The following TRHDE variants were observed in gnomAD, a reference collection of about 807,000 sequenced individuals.
The protein encoded by TRHDE is thyrotropin-releasing hormone-degrading ectoenzyme.
In TRHDE, 72 loss-of-function variants were observed where a neutral mutation model predicts 125.7. The ratio of observed to expected loss-of-function variants is 0.57; its 90% CI spans 0.47 to 0.70. TRHDE has a LOEUF of 0.70. TRHDE is among the 30% of genes least tolerant of loss of function. The pLI, the probability that TRHDE is intolerant of heterozygous loss-of-function variation, is 0.00. For missense variants in TRHDE, 1,110 were observed against 1,327.1 expected (o/e 0.84, Z 2.54); for synonymous variants, 509 against 509.1 (o/e 1.00, Z 0.00).
Position 72,668,611 on chromosome 12 carries a change from AT to A in TRHDE, c.*5417del, listed in dbSNP as rs1422387621. The A allele has an allele frequency of 1.3e-5, 2 of 151,884 alleles. No individual in the cohort carries two copies. The highest frequency in any genetic ancestry group is 2.9e-5 in the Non-Finnish European group (2 of 67,874). 9.4% of individuals were successfully genotyped at this position (151,884 alleles called of 1,614,324 possible). Reference sequence around the variant, plus strand: ...CTGTATTAATGTTAAGTGAGTTAAGATAAAGGGAAGCTACAAAAATTTGAAT... The same window carrying A: ...CTGTATTAATGTTAAGTGAGTTAAGAAAAGGGAAGCTACAAAAATTTGAAT... On this transcript the variant is annotated 3_prime_UTR_variant, in exon 19 of 19. Transcript: ENST00000261180.
chr12:72,552,241 CA>C (rs1174699131), intron 7 of TRHDE, among the ~76,000 whole-genome samples: 1 of 151,192 alleles, frequency 6.6e-6, no homozygotes, highest in Non-Finnish European at 1.5e-5. Flanking sequence ...AGGGATTGGG[CA>C]AAAAAAGTGA....
chr12:72,446,238 G>T (rs1217059912), intron 3 of TRHDE, among the ~76,000 whole-genome samples: 1 of 150,376 alleles, frequency 6.6e-6, no homozygotes, highest in Admixed American at 6.7e-5. Context: ...TGCCATGTTG[G>T]TGTGCTGCAC....
chr12:72,565,301 T>C (rs1325037757), intron 9 of TRHDE, among the ~76,000 whole-genome samples: 2 of 152,228 alleles, frequency 1.3e-5, no homozygotes, highest in South Asian at 2.1e-4. Context: ...ATTTGTCTTT[T>C]CATTTTTCTA....
chr12:72,458,297 T>C (rs1875958026), intron 3 of TRHDE, among the ~76,000 whole-genome samples: 1 of 152,194 alleles, frequency 6.6e-6, no homozygotes, highest in African/African-American at 2.4e-5. Flanking sequence ...ACCTAAGATA[T>C]TCATAGACAC....
intron 2 of TRHDE, among the ~76,000 whole-genome samples, chr12:72,315,946 G>T (rs1387791926): frequency 2.7e-4 from 41 of 152,258 alleles, no homozygotes. Context: ...TTAGCTGGGG[G>T]AGAAAAACAC....
At chr12:72,345,812 C>T (rs536433671) in intron 2 of TRHDE, among the ~76,000 whole-genome samples, 2 of 152,080 alleles carry the variant, frequency 1.3e-5, no homozygotes, top group East Asian at 1.9e-4. Flanking sequence ...AGCCCAGGGC[C>T]AGGTGGGGAC....
chr12:72,268,171 T>G (rs1879109827), upstream of TRHDE, among the ~76,000 whole-genome samples: 1 of 152,162 alleles, frequency 6.6e-6, no homozygotes, highest in Admixed American at 6.5e-5. Flanking sequence ...TTTTTCATAT[T>G]GGTCTCCAGT....
intron 2 of TRHDE, among the ~76,000 whole-genome samples, chr12:72,334,286 G>C (rs183734403): frequency 6.6e-6 from 1 of 152,178 alleles, no homozygotes; most frequent in Non-Finnish European, 1.5e-5. Flanking sequence ...GATTTAAAGA[G>C]TAGCTACAGG....
At chr12:72,335,622 G>A (rs1485090221) in intron 2 of TRHDE, among the ~76,000 whole-genome samples, 5 of 152,122 alleles carry the variant, frequency 3.3e-5, no homozygotes, top group African/African-American at 4.8e-5. Flanking sequence ...GGGCACAGAC[G>A]GTGTCATAAT....
rs9668390 is a variant in TRHDE, at chr12:72,342,465, T to C, written c.1189-35530T>C. Among the ~76,000 whole-genome samples, 1,008 of 152,220 alleles carry C rather than the reference T, an allele frequency of 6.6e-3. 5 individuals carry two copies. The highest frequency in any genetic ancestry group is 0.022 in the African/African-American group (907 of 41,546). ...AGACATATCTCTCCCTAAATAGTCT[T>C]TTTGAATATACTCTTCCTGTTTCCT... On this transcript the variant is annotated intron_variant, in intron 2 of 18. Coordinates refer to ENST00000261180, the MANE Select transcript of TRHDE (RefSeq NM_013381.3).
intron 15 of TRHDE, among the ~76,000 whole-genome samples, chr12:72,643,564 G>T (rs891826895): frequency 6.6e-6 from 1 of 152,040 alleles, no homozygotes; most frequent in Non-Finnish European, 1.5e-5. Context: ...CTTCAGGGTG[G>T]TCTATCTGTT....
At chr12:72,568,940 T>A (rs1870589286) in intron 10 of TRHDE, among the ~76,000 whole-genome samples, 1 of 152,150 alleles carries the variant, frequency 6.6e-6, no homozygotes, top group Non-Finnish European at 1.5e-5. Flanking sequence ...TCTTTATAAC[T>A]CCACATGTAA....
At chr12:72,129,804 C>A (rs1875818265) in intron 2 of TRHDE, among the ~76,000 whole-genome samples, 1 of 152,074 alleles carries the variant, frequency 6.6e-6, no homozygotes, top group African/African-American at 2.4e-5. Flanking sequence ...AATGCAAAAT[C>A]CAATAATAGT....
chr12:72,126,864 T>G (rs1875725260), intron 2 of TRHDE, among the ~76,000 whole-genome samples: 1 of 152,122 alleles, frequency 6.6e-6, no homozygotes, highest in African/African-American at 2.4e-5. Context: ...CTAATTAAAC[T>G]AAAGAGCTTC....
intron 1 of TRHDE, among the ~76,000 whole-genome samples, chr12:72,280,777 C>T (rs1348305143): frequency 6.6e-6 from 1 of 152,096 alleles, no homozygotes; most frequent in South Asian, 2.1e-4. Flanking sequence ...GGTACCAGTA[C>T]AGCAAGAAGA....
At chr12:72,471,524 C>T (rs532697294) in intron 4 of TRHDE, among the ~76,000 whole-genome samples, 1 of 152,214 alleles carries the variant, frequency 6.6e-6, no homozygotes, top group African/African-American at 2.4e-5. Flanking sequence ...ATTTGTAGGC[C>T]ACTTACTATG....
At chr12:72,139,769 C>G (rs1876070465) in intron 2 of TRHDE, among the ~76,000 whole-genome samples, 1 of 151,990 alleles carries the variant, frequency 6.6e-6, no homozygotes, top group Admixed American at 6.6e-5. Context: ...TCTAAGCCCC[C>G]CAACCAACCG....
At chr12:72,459,030 T>G (rs1876003505) in intron 3 of TRHDE, among the ~76,000 whole-genome samples, 1 of 152,194 alleles carries the variant, frequency 6.6e-6, no homozygotes, top group African/African-American at 2.4e-5. Context: ...AGTCTGACAC[T>G]ACTCTCACTG....
chr12:72,640,367 G>A (rs1286266259), intron 15 of TRHDE, among the ~76,000 whole-genome samples: 6 of 152,324 alleles, frequency 3.9e-5, no homozygotes, highest in African/African-American at 1.2e-4. Context: ...TTTGGCTCGC[G>A]CACGGTGCGT....
Sources: gnomAD v4.1 joint callset for allele counts (sites outside exome capture counted in the v4.1 genomes callset) on GRCh38, gnomAD v4.1.1 for gene constraint, MANE v1.5 for transcripts, NCBI Gene and HGNC (gene_info 2026-07-23, HGNC 2026-07-21) for gene names.